The following SDK1 variants were observed in gnomAD, a reference collection of about 807,000 sequenced individuals.
SDK1 encodes sidekick cell adhesion molecule 1, also known as protein sidekick-1.
SDK1 carries 157 observed loss-of-function variants against 245.5 expected under a neutral mutation model. The observed-to-expected ratio is 0.64, with a 90% CI of 0.56 to 0.73. The LOEUF (loss-of-function observed/expected upper bound fraction) is 0.73. Among genes scored for constraint, SDK1 ranks in the 30% least tolerant of loss-of-function variants. SDK1 has a pLI of 0.00. For missense variants in SDK1, 3,583 were observed against 3,002.3 expected (o/e 1.19, Z -4.52); for synonymous variants, 1,647 against 1,278.5 (o/e 1.29, Z -6.15).
intron 25 of SDK1, among the ~76,000 whole-genome samples, chr7:4,116,657 C>A (rs902031139): frequency 2.0e-5 from 3 of 152,234 alleles, no homozygotes; most frequent in African/African-American, 7.2e-5. Flanking sequence ...TCCTGTGCCA[C>A]TTTGTGGCTT....
chr7:3,580,992 AAACC>A (rs1363010645), intron 1 of SDK1, among the ~76,000 whole-genome samples: 2 of 136,798 alleles, frequency 1.5e-5, no homozygotes, highest in Non-Finnish European at 3.2e-5. Context: ...AAAAAAAAAA[AAACC>A]AAAACAAAAC....
At chr7:3,875,436 C>A (rs1192091853) in intron 5 of SDK1, among the ~76,000 whole-genome samples, 1 of 152,176 alleles carries the variant, frequency 6.6e-6, no homozygotes, top group Non-Finnish European at 1.5e-5. Context: ...CAAGATAATC[C>A]CCAGATCACA....
At chr7:3,979,723 TAGTTTTCTAGTGC>T (rs1562611144) in intron 13 of SDK1, among the ~76,000 whole-genome samples, 1 of 152,228 alleles carries the variant, frequency 6.6e-6, no homozygotes, top group Non-Finnish European at 1.5e-5. Flanking sequence ...GTCTTTGCTC[TAGTTTTCTAGTGC>T]CATGGGGACA....
chr7:3,821,625 A>G, intron 5 of SDK1, 42 bp downstream of exon 5: 1 of 1,603,186 alleles, frequency 6.2e-7, no homozygotes, highest in Non-Finnish European at 8.5e-7. Flanking sequence ...CAAGCAATAA[A>G]ATCTTGCTTT....
intron 2 of SDK1, among the ~76,000 whole-genome samples, chr7:3,635,538 G>A (rs554116221): frequency 3.9e-5 from 6 of 152,228 alleles, no homozygotes; most frequent in African/African-American, 1.4e-4. Context: ...CATACACTTT[G>A]TCTTTTACTC....
At chr7:4,191,652 G>T (rs919575577) in intron 35 of SDK1, among the ~76,000 whole-genome samples, 1 of 152,234 alleles carries the variant, frequency 6.6e-6, no homozygotes, top group African/African-American at 2.4e-5. Context: ...CAGCTGCTCC[G>T]CCAGGGAGAG....
intron 22 of SDK1, among the ~76,000 whole-genome samples, chr7:4,092,209 C>T (rs1228909454): frequency 6.6e-6 from 1 of 152,238 alleles, no homozygotes; most frequent in South Asian, 2.1e-4. Context: ...CTTCTGCTTT[C>T]TGTCAAGCTT....
intron 30 of SDK1, among the ~76,000 whole-genome samples, chr7:4,152,414 T>C (rs1161362207): frequency 6.6e-6 from 1 of 152,212 alleles, no homozygotes; most frequent in Non-Finnish European, 1.5e-5. Flanking sequence ...ACAGGATGCT[T>C]AGCTTAATTG....
intron 4 of SDK1, among the ~76,000 whole-genome samples, chr7:3,733,792 C>T (rs1486930740): frequency 6.6e-6 from 1 of 152,166 alleles, no homozygotes; most frequent in African/African-American, 2.4e-5. Flanking sequence ...CCCTTCCCTA[C>T]AGGAGGCTGT....
At chr7:3,692,745 C>G (rs181062327) in intron 4 of SDK1, among the ~76,000 whole-genome samples, 16 of 151,938 alleles carry the variant, frequency 1.1e-4, no homozygotes, top group African/African-American at 3.9e-4. Context: ...ACTCTTTGAT[C>G]TATTCAATGT....
chr7:3,913,167 A>G (rs1028485357), intron 5 of SDK1, among the ~76,000 whole-genome samples: 12 of 152,208 alleles, frequency 7.9e-5, no homozygotes, highest in African/African-American at 2.7e-4. Flanking sequence ...CCTTCAGGGC[A>G]TCGGTATGGA....
chr7:3,301,515 C>A lies in SDK1; in HGVS notation c.-72C>A. 2 of 523,112 alleles carry A rather than the reference C, an allele frequency of 3.8e-6. No individual in the cohort carries two copies. The highest frequency in any genetic ancestry group is 4.9e-6 in the Non-Finnish European group (2 of 411,340). 32.4% of individuals were successfully genotyped at this position (523,112 alleles called of 1,614,324 possible). A position where few individuals can be genotyped will look rare whatever the true frequency, so the allele number is the denominator to read the frequency against. ...GCGCCTCCCGCGGAGTGGCCGCGCC[C>A]GCTCGGAGCCGTCCCGCCTGTCCTG... On this transcript the variant is annotated 5_prime_UTR_variant, in exon 1 of 45. Coordinates refer to ENST00000404826, the MANE Select transcript of SDK1 (RefSeq NM_152744.4).
At chr7:3,849,327 A>C (rs1293551398) in intron 5 of SDK1, among the ~76,000 whole-genome samples, 1 of 152,082 alleles carries the variant, frequency 6.6e-6, no homozygotes, top group African/African-American at 2.4e-5. Flanking sequence ...CTGCCTGCTG[A>C]GGTCTGAGCT....
At chr7:3,341,142 T>G (rs1269528667) in intron 1 of SDK1, among the ~76,000 whole-genome samples, 1 of 152,022 alleles carries the variant, frequency 6.6e-6, no homozygotes, top group Admixed American at 6.5e-5. Flanking sequence ...GCAAATCAAA[T>G]AGAGTAATTA....
intron 1 of SDK1, among the ~76,000 whole-genome samples, chr7:3,465,568 A>G (rs902192762): frequency 6.6e-6 from 1 of 152,098 alleles, no homozygotes; most frequent in Non-Finnish European, 1.5e-5. Flanking sequence ...TGCTAGGTTC[A>G]TATACTGTTG....
Position 3,969,216 on chromosome 7 carries a change from G to T in SDK1, c.1547-41G>T, listed in dbSNP as rs143789100. 42 of 1,507,810 alleles carry T rather than the reference G, an allele frequency of 2.8e-5. No individual in the cohort carries two copies. The African/African-American group carries it at 5.2e-4, about 19-fold the overall frequency. The allele number at this position is 1,507,810 out of a possible 1,614,324, so 93.4% of individuals were successfully genotyped here. A position where few individuals can be genotyped will look rare whatever the true frequency, so the allele number is the denominator to read the frequency against. On this transcript the variant is annotated intron_variant, in intron 10 of 44. Transcript: ENST00000404826. Reference sequence around the variant, plus strand: ...ACCACTATCTTCATTTCCTTCAAGCGTTACGACTGTAACATGCCTCTTTTC... The same window carrying T: ...ACCACTATCTTCATTTCCTTCAAGCTTTACGACTGTAACATGCCTCTTTTC...
At chr7:3,832,744 G>GTC (rs890363874) in intron 5 of SDK1, among the ~76,000 whole-genome samples, 20 of 152,226 alleles carry the variant, frequency 1.3e-4, no homozygotes, top group African/African-American at 4.3e-4. Flanking sequence ...CTTCGCAATA[G>GTC]TCTCTCTCTC....
In SDK1 at chr7:3,687,056, A is replaced by AACACACACACACACACACACACAC. The variant is rs200034994; in HGVS notation, c.713+44972_713+44995dup. 4.7e-3 allele frequency among the ~76,000 whole-genome samples: 639 copies of AACACACACACACACACACACACAC among 135,180 alleles called. 8 individuals carry two copies. Among genetic ancestry groups the AACACACACACACACACACACACAC allele is most frequent in the African/African-American group, 0.016 (534 of 34,018 alleles). 88.7% of individuals were successfully genotyped at this position (135,180 alleles called of 152,430 possible). A position where few individuals can be genotyped will look rare whatever the true frequency, so the allele number is the denominator to read the frequency against. On this transcript the variant is annotated intron_variant, in intron 4 of 44. Transcript: ENST00000404826. The stretch of plus-strand genomic sequence containing the variant: ...CCAAACTGGGTTGGGATAGCATCAA[A>AACACACACACACACACACACACAC]ACACACACACACACACACACACACA...
intron 5 of SDK1, among the ~76,000 whole-genome samples, chr7:3,945,188 G>A (rs1176388670): frequency 6.6e-6 from 1 of 152,150 alleles, no homozygotes; most frequent in Non-Finnish European, 1.5e-5. Context: ...GATTAAAAAG[G>A]TAGATGAACA....
Sources: allele counts gnomAD v4.1 joint callset (sites outside exome capture counted in the v4.1 genomes callset), GRCh38; gene constraint gnomAD v4.1.1; transcripts MANE v1.5; gene names NCBI Gene and HGNC (gene_info 2026-07-23, HGNC 2026-07-21).